Variants in HADH observed in about 807,000 individuals in gnomAD.
HADH encodes hydroxyacyl-coenzyme A dehydrogenase, mitochondrial.
HADH carries 24 observed loss-of-function variants against 32.2 expected under a neutral mutation model. That is an observed-to-expected ratio of 0.75 (90% confidence interval 0.54 to 1.05). The LOEUF (loss-of-function observed/expected upper bound fraction) is 1.05, where lower values mean the gene tolerates loss of function less well. HADH is among the 50% of genes least tolerant of loss of function. HADH has a pLI of 0.00. For missense variants in HADH, 350 were observed against 397.1 expected (o/e 0.88, Z 1.01); for synonymous variants, 139 against 152.5 (o/e 0.91, Z 0.65).
chr4:108,012,651 C>G (rs1458016767), intron 2 of HADH, among the ~76,000 whole-genome samples: 2 of 152,174 alleles, frequency 1.3e-5, no homozygotes, highest in African/African-American at 4.8e-5. Context: ...GTAAAAACAC[C>G]TCTAAATAAG....
At chr4:108,002,607 G>A (rs1427374515) in intron 1 of HADH, among the ~76,000 whole-genome samples, 4 of 152,144 alleles carry the variant, frequency 2.6e-5, no homozygotes, top group African/African-American at 7.2e-5. Flanking sequence ...CCTGCAAGAC[G>A]GTAGAAAAAT....
At position 108,035,048 on chromosome 4, in the gene HADH, A is replaced by G. The variant is rs1736417992; in HGVS notation, c.*691A>G. ...GAGAAATCACTGTTGCAAATTGCCTATAAATTGACTCTACTAAAATAACAA... is the reference window on the plus strand; with the variant it reads ...GAGAAATCACTGTTGCAAATTGCCTGTAAATTGACTCTACTAAAATAACAA... On this transcript the variant is annotated 3_prime_UTR_variant, in exon 8 of 8. Coordinates refer to ENST00000309522, the MANE Select transcript of HADH (RefSeq NM_005327.7). 6.5e-6 allele frequency: 1 copy of G among 153,044 alleles called. No homozygotes were observed. Among genetic ancestry groups the G allele is most frequent in the Admixed American group, 6.5e-5 (1 of 15,458 alleles). The allele number at this position is 153,044 out of a possible 1,614,324, so 9.5% of individuals were successfully genotyped here.
chr4:108,006,377 G>C (rs1735293128), intron 1 of HADH, among the ~76,000 whole-genome samples: 1 of 152,182 alleles, frequency 6.6e-6, no homozygotes, highest in Non-Finnish European at 1.5e-5. Context: ...GCAGTGCTCA[G>C]TATCTGGGGG....
chr4:107,991,362 C>A (rs548466698), intron 1 of HADH, among the ~76,000 whole-genome samples: 35 of 152,096 alleles, frequency 2.3e-4, no homozygotes, highest in Non-Finnish European at 4.6e-4. Context: ...TGTTTCCAAC[C>A]AAGTCCACGC....
chr4:108,016,090 T>C (rs1474712347), intron 3 of HADH, among the ~76,000 whole-genome samples: 2 of 152,170 alleles, frequency 1.3e-5, no homozygotes, highest in Non-Finnish European at 2.9e-5. Flanking sequence ...ATTGACTTCT[T>C]AGCTGGCTGG....
At chr4:108,015,055 G>C (rs562622029) in intron 3 of HADH, among the ~76,000 whole-genome samples, 24 of 152,242 alleles carry the variant, frequency 1.6e-4, no homozygotes, top group African/African-American at 5.8e-4. Flanking sequence ...GGTTGATTTC[G>C]TGTCTTTGCT....
chr4:108,016,939 G>T (rs1735712512), intron 3 of HADH, among the ~76,000 whole-genome samples: 1 of 152,142 alleles, frequency 6.6e-6, no homozygotes, highest in South Asian at 2.1e-4. Flanking sequence ...TGTGTATCAG[G>T]CACTACACTA....
chr4:108,024,291 G>A (rs1376681383), intron 5 of HADH: 1 of 152,092 alleles, frequency 6.6e-6, no homozygotes, highest in African/African-American at 2.4e-5. Flanking sequence ...TGACTTTGCA[G>A]TTTTTCTTAA....
At chr4:108,002,417 C>T (rs1735145922) in intron 1 of HADH, among the ~76,000 whole-genome samples, 1 of 152,138 alleles carries the variant, frequency 6.6e-6, no homozygotes. Context: ...CTGTCACTGT[C>T]TCCCATTATC....
At chr4:108,004,929 C>G in intron 1 of HADH, 1 of 1,526,846 alleles carries the variant, frequency 6.5e-7, no homozygotes, top group Non-Finnish European at 8.8e-7. Flanking sequence ...TAAGATGACC[C>G]TAAACTAGTA....
At chr4:108,019,705 C>CCAGCTCTCT in intron 4 of HADH, 39 bp downstream of exon 4, 1 of 1,612,150 alleles carries the variant, frequency 6.2e-7, no homozygotes, top group Non-Finnish European at 8.5e-7. Flanking sequence ...GCCCGCTCTG[C>CCAGCTCTCT]CAGCTCTCTC....
At chr4:107,997,149 G>A (rs1011822154) in intron 1 of HADH, among the ~76,000 whole-genome samples, 13 of 152,244 alleles carry the variant, frequency 8.5e-5, no homozygotes, top group Non-Finnish European at 1.6e-4. Context: ...TTAAGGCGCT[G>A]CAGCCTCTGA....
intron 6 of HADH, chr4:108,029,099 C>A (rs185004504): frequency 5.1e-4 from 198 of 388,700 alleles, no homozygotes; most frequent in African/African-American, 3.8e-3. Flanking sequence ...TGCTGGGTGT[C>A]CTGCCTGGGG....
chr4:108,030,854 C>G (rs1000064751), intron 6 of HADH: 18 of 152,192 alleles, frequency 1.2e-4, no homozygotes, highest in African/African-American at 4.1e-4. Context: ...TATTTTGTTT[C>G]TCTGTTTCTG....
intron 2 of HADH, among the ~76,000 whole-genome samples, chr4:108,014,088 T>A (rs1315681464): frequency 2.0e-5 from 3 of 152,232 alleles, no homozygotes; most frequent in Non-Finnish European, 4.4e-5. Context: ...GCAGAGGCTG[T>A]GTCTAGCTTG....
At chr4:108,028,099 T>C (rs1045000322) in intron 6 of HADH, 57 of 364,580 alleles carry the variant, frequency 1.6e-4, no homozygotes, top group African/African-American at 1.1e-3. Flanking sequence ...AATCATAATG[T>C]AAAAATCACT....
At position 108,007,095 on chromosome 4, in the gene HADH, TTTTG is replaced by T. The variant is rs375918237; in HGVS notation, c.133-2640_133-2637del. 7.4e-3 allele frequency among the ~76,000 whole-genome samples: 1,126 copies of T among 152,038 alleles called. 3 individuals carry two copies. The highest frequency in any genetic ancestry group is 0.031 in the Middle Eastern group (9 of 294). On this transcript the variant is annotated intron_variant, in intron 1 of 7. Coordinates refer to ENST00000309522, the MANE Select transcript of HADH (RefSeq NM_005327.7). ...CTTTTTTCTTTTTAAAGGCTTAAGT[TTTTG>T]TTTGTTTGTTTGTTTGTTTGTTTTT...
At chr4:108,004,859 G>A (rs1232806715) in intron 1 of HADH, 6 of 1,535,870 alleles carry the variant, frequency 3.9e-6, no homozygotes, top group Non-Finnish European at 4.4e-6. Flanking sequence ...GAGATGTTAA[G>A]GGTTGGGAGA....
chr4:108,001,574 G>C lies in HADH; in HGVS notation c.133-8185G>C, dbSNP rs568208637. On this transcript the variant is annotated intron_variant, in intron 1 of 7. Coordinates refer to ENST00000309522, the MANE Select transcript of HADH (RefSeq NM_005327.7). The stretch of plus-strand genomic sequence containing the variant: ...ATAAGTTACAGTAGTCCCCCCTTAC[G>C]AGGGGAGGGAGTACATTCCTAGACC... 2.6e-5 allele frequency among the ~76,000 whole-genome samples: 4 copies of C among 152,222 alleles called. No individual in the cohort carries two copies. In the South Asian group the frequency reaches 8.3e-4, roughly 32 times the overall value.
Sources: gnomAD v4.1 joint callset for allele counts (sites outside exome capture counted in the v4.1 genomes callset) on GRCh38, gnomAD v4.1.1 for gene constraint, MANE v1.5 for transcripts, NCBI Gene and HGNC (gene_info 2026-07-23, HGNC 2026-07-21) for gene names.